The following SEL1L2 variants were observed in gnomAD, a reference collection of about 807,000 sequenced individuals.
SEL1L2 encodes protein sel-1 homolog 2.
In SEL1L2, 89 loss-of-function variants were observed where a neutral mutation model predicts 98.8. The observed-to-expected ratio is 0.90, with a 90% CI of 0.76 to 1.07. SEL1L2 has a LOEUF of 1.07. Among genes scored for constraint, SEL1L2 ranks in the 50% least tolerant of loss-of-function variants. The probability of loss-of-function intolerance (pLI) is 0.00; values close to 1 mark genes in which losing one functional copy is unlikely to be tolerated. For missense variants in SEL1L2, 788 were observed against 812.0 expected (o/e 0.97, Z 0.36); for synonymous variants, 262 against 278.5 (o/e 0.94, Z 0.59).
chr20:13,854,281 C>T (rs909535867), intron 18 of SEL1L2, among the ~76,000 whole-genome samples: 1 of 152,160 alleles, frequency 6.6e-6, no homozygotes, highest in African/African-American at 2.4e-5. Context: ...AACTCTTCCC[C>T]AAAGGATAAT....
chr20:13,919,132 GAACA>G lies in SEL1L2; in HGVS notation c.284-13_284-10del, dbSNP rs2048540378. ...CTCTGCTTGCTTTTGTACTATACAT[GAACA>G]AACAAAAAATAAAAACAATATTACT... is the stretch of plus-strand genomic sequence containing the variant. On this transcript the variant is annotated splice_polypyrimidine_tract_variant and intron_variant, in intron 3 of 19. Coordinates refer to ENST00000284951, the MANE Select transcript of SEL1L2 (RefSeq NM_025229.2). The G allele has an allele frequency of 6.7e-7, 1 of 1,483,828 alleles. No homozygotes were observed. The highest frequency in any genetic ancestry group is 9.3e-7 in the Non-Finnish European group (1 of 1,077,818). 91.9% of individuals were successfully genotyped at this position (1,483,828 alleles called of 1,614,324 possible). A position where few individuals can be genotyped will look rare whatever the true frequency, so the allele number is the denominator to read the frequency against.
At chr20:13,943,983 ACTT>A (rs1333481228) in intron 2 of SEL1L2, among the ~76,000 whole-genome samples, 2 of 152,126 alleles carry the variant, frequency 1.3e-5, no homozygotes, top group Non-Finnish European at 1.5e-5. Flanking sequence ...TGGGGGTAGA[ACTT>A]CTCATTCCAG....
rs138754733 is a variant in SEL1L2 at position 13,902,952 on chromosome 20, C to A, written c.549+10830G>T. ...CCAAAATGGTGAAACCCCGTCTCTA[C>A]TAAAAATACAAAAATTAGCTGGACC... On this transcript the variant is annotated intron_variant, in intron 5 of 19. Coordinates refer to ENST00000284951, the MANE Select transcript of SEL1L2 (RefSeq NM_025229.2). Among the ~76,000 whole-genome samples, 44 of 151,952 alleles carry A rather than the reference C, an allele frequency of 2.9e-4. No individual in the cohort carries two copies. In the East Asian group the frequency reaches 6.8e-3, roughly 23 times the overall value.
At chr20:13,916,372 A>G (rs1160568627) in intron 4 of SEL1L2, among the ~76,000 whole-genome samples, 3 of 152,160 alleles carry the variant, frequency 2.0e-5, no homozygotes, top group African/African-American at 4.8e-5. Flanking sequence ...ATGCTTAGGC[A>G]TGGCTGCACA....
chr20:13,920,549 ACACT>A (rs1191553087), intron 3 of SEL1L2, among the ~76,000 whole-genome samples: 2 of 150,346 alleles, frequency 1.3e-5, no homozygotes, highest in African/African-American at 4.9e-5. Flanking sequence ...ATGCACACAC[ACACT>A]ATTTTTCTCT....
At chr20:13,869,022 G>A (rs188155574) in intron 14 of SEL1L2, among the ~76,000 whole-genome samples, 218 of 148,190 alleles carry the variant, frequency 1.5e-3, no homozygotes, top group African/African-American at 4.9e-3. Flanking sequence ...TCCCTATTCC[G>A]CTGAGCTTGG....
chr20:13,884,580 T>C (rs2046864409), intron 10 of SEL1L2, among the ~76,000 whole-genome samples: 1 of 152,208 alleles, frequency 6.6e-6, no homozygotes. Flanking sequence ...TGATCTGGGC[T>C]CACTGCAACC....
chr20:13,994,414 G>T (rs1363722384), upstream of SEL1L2, among the ~76,000 whole-genome samples: 4 of 151,646 alleles, frequency 2.6e-5, no homozygotes, highest in Admixed American at 6.6e-5. Flanking sequence ...TCTTTTTGGG[G>T]CCTCCCCCCT....
chr20:13,963,880 T>A (rs999310594), intron 1 of SEL1L2, among the ~76,000 whole-genome samples: 2 of 152,128 alleles, frequency 1.3e-5, no homozygotes, highest in East Asian at 1.9e-4. Context: ...ATATATATAT[T>A]TTTTTCCTTG....
chr20:13,963,981 C>T (rs1039509515), intron 1 of SEL1L2, among the ~76,000 whole-genome samples: 1 of 152,082 alleles, frequency 6.6e-6, no homozygotes, highest in Non-Finnish European at 1.5e-5. Context: ...AAGCGATTCT[C>T]CTGCTTCAGC....
chr20:13,918,944 A>G, intron 4 of SEL1L2, 77 bp downstream of exon 4: 2 of 970,802 alleles, frequency 2.1e-6, no homozygotes, highest in Non-Finnish European at 3.2e-6. Context: ...AGTTTTAATG[A>G]TAAACTACAT....
At chr20:13,927,939 T>C (rs1048447913) in intron 3 of SEL1L2, 1 of 152,364 alleles carries the variant, frequency 6.6e-6, no homozygotes, top group East Asian at 1.9e-4. Context: ...TGAGACTTAA[T>C]ATCTCTTTGA....
At chr20:13,889,111 C>G (rs1373559134) in intron 5 of SEL1L2, among the ~76,000 whole-genome samples, 2 of 151,870 alleles carry the variant, frequency 1.3e-5, no homozygotes, top group Admixed American at 6.6e-5. Context: ...AGGTGCCCAC[C>G]ACCACACTGG....
At chr20:13,972,779 T>G (rs1024389319) in intron 1 of SEL1L2, among the ~76,000 whole-genome samples, 2 of 152,194 alleles carry the variant, frequency 1.3e-5, no homozygotes, top group African/African-American at 4.8e-5. Flanking sequence ...TGCTTTTTGT[T>G]TGTAAATAAC....
intron 10 of SEL1L2, among the ~76,000 whole-genome samples, chr20:13,884,188 A>G (rs1171706377): frequency 1.3e-5 from 2 of 152,212 alleles, no homozygotes; most frequent in African/African-American, 4.8e-5. Context: ...TTTTTTACGT[A>G]ATAGCCTTAT....
chr20:13,871,930 G>T (rs2046221303), intron 12 of SEL1L2, among the ~76,000 whole-genome samples: 1 of 152,176 alleles, frequency 6.6e-6, no homozygotes, highest in Admixed American at 6.5e-5. Context: ...CCTACATTTA[G>T]TTATTGTAGA....
At chr20:13,886,524 G>A in intron 8 of SEL1L2, 82 bp from the exon 9 acceptor site, 2 of 1,094,566 alleles carry the variant, frequency 1.8e-6, no homozygotes, top group Non-Finnish European at 2.7e-6. Flanking sequence ...AACACCGTTA[G>A]CTTATTATCT....
chr20:13,896,036 G>C (rs193237108), intron 5 of SEL1L2, among the ~76,000 whole-genome samples: 1 of 152,242 alleles, frequency 6.6e-6, no homozygotes, highest in East Asian at 1.9e-4. Flanking sequence ...TTAGGCAAGC[G>C]TGGTGGCAGG....
At chr20:13,860,076 T>C (rs1042190546) in intron 17 of SEL1L2, among the ~76,000 whole-genome samples, 1 of 152,220 alleles carries the variant, frequency 6.6e-6, no homozygotes, top group African/African-American at 2.4e-5. Context: ...TCTTGGGAAG[T>C]TGGACCCCAT....
Sources: gnomAD v4.1 joint callset for allele counts (sites outside exome capture counted in the v4.1 genomes callset) on GRCh38, gnomAD v4.1.1 for gene constraint, MANE v1.5 for transcripts, NCBI Gene and HGNC (gene_info 2026-07-23, HGNC 2026-07-21) for gene names.